Variants in KANSL1 observed in about 807,000 individuals in gnomAD.
The protein encoded by KANSL1 is KAT8 regulatory NSL complex subunit 1.
KANSL1 carries 22 observed loss-of-function variants against 103.6 expected under a neutral mutation model. The observed-to-expected ratio is 0.21, with a 90% CI of 0.15 to 0.30. The LOEUF is 0.30. Ranked by LOEUF, KANSL1 falls within the 10% of genes least tolerant of loss-of-function variation. The pLI is 1.00. For missense variants in KANSL1, 1,337 were observed against 1,399.8 expected (o/e 0.96, Z 0.72); for synonymous variants, 600 against 527.6 (o/e 1.14, Z -1.88).
intron 10 of KANSL1, chr17:46,035,880 G>GAC (rs2077132191): frequency 6.6e-6 from 1 of 152,024 alleles, no homozygotes; most frequent in Admixed American, 6.6e-5. Flanking sequence ...CCTCTGCCTA[G>GAC]ACACACCCCC....
intron 1 of KANSL1, among the ~76,000 whole-genome samples, chr17:46,186,291 G>A (rs2147874328): frequency 6.6e-6 from 1 of 151,816 alleles, no homozygotes; most frequent in Admixed American, 6.6e-5. Context: ...GCTGAGGCAG[G>A]AGAATGGCAT....
chr17:46,156,445 C>A (rs17585214), intron 2 of KANSL1, among the ~76,000 whole-genome samples: 2 of 152,022 alleles, frequency 1.3e-5, no homozygotes, highest in African/African-American at 4.8e-5. Context: ...AACTCCTAAC[C>A]CTAGATCCAT....
intron 7 of KANSL1, chr17:46,043,628 A>G (rs67682367): frequency 6.6e-6 from 1 of 152,092 alleles, no homozygotes; most frequent in African/African-American, 2.4e-5. Context: ...CTGTCAATTC[A>G]TTTGAATAGG....
At position 46,094,693 on chromosome 17, in the gene KANSL1, C is replaced by T. The variant is rs191513954; in HGVS notation, c.1298G>A (p.Arg433Lys). 1 of 1,614,130 alleles carries T rather than the reference C, an allele frequency of 6.2e-7. No homozygotes were observed. Among genetic ancestry groups the T allele is most frequent in the Non-Finnish European group, 8.5e-7 (1 of 1,180,038 alleles). ...GTCTGCAGCCCATTTCCATTCTGACCTGCGTCTCCTAAAAGGAAATAAACT... is the reference window on the plus strand; with the variant it reads ...GTCTGCAGCCCATTTCCATTCTGACTTGCGTCTCCTAAAAGGAAATAAACT... ...PEQRHVPLRR[R>K]SEWKWAADRA... Residue 433 changes from arginine (R) to lysine (K), a missense_variant, in exon 3 of 15, where the codon AGG becomes AAG. Physicochemically the swap from Arg to Lys is conservative, Grantham distance 26 (BLOSUM62 2). Around this residue, in one of 2 missense-constraint regions of KANSL1, gnomAD observed 780 missense variants for 923.4 expected, o/e 0.84. Transcript: ENST00000432791.
At chr17:46,109,333 T>C (rs2042704576) in intron 2 of KANSL1, among the ~76,000 whole-genome samples, 3 of 152,222 alleles carry the variant, frequency 2.0e-5, no homozygotes, top group Non-Finnish European at 4.4e-5. Flanking sequence ...CTTTTACACA[T>C]GGTAAAATAC....
intron 2 of KANSL1, among the ~76,000 whole-genome samples, chr17:46,099,192 C>A (rs1211727557): frequency 6.9e-6 from 1 of 144,552 alleles, no homozygotes; most frequent in Admixed American, 7.1e-5. Context: ...GGCGTGATGG[C>A]GGGCGCCTGT....
intron 13 of KANSL1, 50 bp from the exon 14 acceptor site, chr17:46,032,349 G>T (rs778272918): frequency 6.9e-7 from 1 of 1,459,444 alleles, no homozygotes; most frequent in Non-Finnish European, 9.1e-7. Flanking sequence ...GTTTACTTAT[G>T]GGGGTAGAGG....
intron 3 of KANSL1, among the ~76,000 whole-genome samples, chr17:46,082,875 A>C (rs1266093864): frequency 2.0e-5 from 3 of 152,206 alleles, no homozygotes; most frequent in Non-Finnish European, 4.4e-5. Flanking sequence ...GATTAACAGC[A>C]GCAATGCAGT....
intron 2 of KANSL1, among the ~76,000 whole-genome samples, chr17:46,137,515 G>A (rs1194148035): frequency 1.3e-5 from 2 of 152,094 alleles, no homozygotes; most frequent in Non-Finnish European, 2.9e-5. Flanking sequence ...GTACCCCCTC[G>A]ATACAATTGT....
At chr17:46,050,877 T>C (rs952133535) in intron 6 of KANSL1, among the ~76,000 whole-genome samples, 173 bp from the exon 7 acceptor site, 2 of 152,208 alleles carry the variant, frequency 1.3e-5, no homozygotes, top group Non-Finnish European at 2.9e-5. Context: ...TGTTAAAAGA[T>C]TTCCATTTGT....
intron 2 of KANSL1, among the ~76,000 whole-genome samples, chr17:46,132,325 G>A (rs2043904201): frequency 6.6e-6 from 1 of 152,196 alleles, no homozygotes; most frequent in African/African-American, 2.4e-5. Context: ...ATGAGATAGT[G>A]TATATAATGC....
intron 2 of KANSL1, among the ~76,000 whole-genome samples, chr17:46,135,542 A>ATTTTTTTTTTTTTT (rs34258265): frequency 1.7e-5 from 2 of 119,052 alleles, no homozygotes; most frequent in Admixed American, 8.3e-5. Context: ...TCAACTATAC[A>ATTTTTTTTTTTTTT]TTTTTTTTTT....
At chr17:46,100,777 C>T (rs2042279461) in intron 2 of KANSL1, among the ~76,000 whole-genome samples, 1 of 152,184 alleles carries the variant, frequency 6.6e-6, no homozygotes, top group South Asian at 2.1e-4. Flanking sequence ...TAGAACAGGG[C>T]TGGTGGATTA....
intron 3 of KANSL1, among the ~76,000 whole-genome samples, chr17:46,087,397 C>G (rs1253258414): frequency 6.6e-6 from 1 of 152,060 alleles, no homozygotes; most frequent in Non-Finnish European, 1.5e-5. Flanking sequence ...AGGATGAAAA[C>G]AGCTAAAAAG....
At position 46,062,107 on chromosome 17, in the gene KANSL1, AAAC is replaced by A. The variant is rs1568403329; in HGVS notation, c.1848+4427_1848+4429del. ...ACTCCGACTCAAAAAAAAAAAAAAA[AAAC>A]AAACAAACAAAAAAAAAAAAAAAAC... On this transcript the variant is annotated intron_variant, in intron 6 of 14. Coordinates refer to ENST00000432791, the MANE Select transcript of KANSL1 (RefSeq NM_015443.4). 6.5e-4 allele frequency among the ~76,000 whole-genome samples: 25 copies of A among 38,198 alleles called. 1 individual carries two copies. Among genetic ancestry groups the A allele is most frequent in the East Asian group, 6.7e-3 (2 of 298 alleles). 25.1% of individuals were successfully genotyped at this position (38,198 alleles called of 152,430 possible).
upstream of KANSL1, among the ~76,000 whole-genome samples, chr17:46,225,146 C>T (rs982220445): frequency 1.3e-5 from 2 of 152,014 alleles, no homozygotes; most frequent in African/African-American, 2.4e-5. Context: ...CCCTCTCCCC[C>T]AGCCCCGCCG....
chr17:46,209,097 T>C (rs1183337708), intron 1 of KANSL1, among the ~76,000 whole-genome samples: 2 of 151,544 alleles, frequency 1.3e-5, no homozygotes, highest in East Asian at 4.0e-4. Context: ...GCAGGAGAAT[T>C]GCTTGAACCC....
chr17:46,152,591 G>A (rs1420386045), intron 2 of KANSL1, among the ~76,000 whole-genome samples: 1 of 141,802 alleles, frequency 7.1e-6, no homozygotes, highest in Non-Finnish European at 1.5e-5. Context: ...AAGGGGGGGG[G>A]GGGATTTCAG....
chr17:46,153,193 T>A (rs1406028995), intron 2 of KANSL1, among the ~76,000 whole-genome samples: 4 of 152,184 alleles, frequency 2.6e-5, no homozygotes. Context: ...AACAAAGACA[T>A]ACATGCAGGT....
Sources: allele counts gnomAD v4.1 joint callset (sites outside exome capture counted in the v4.1 genomes callset), GRCh38; gene constraint gnomAD v4.1.1; regional missense constraint gnomAD v4.1.1; transcripts MANE v1.5; gene names NCBI Gene and HGNC (gene_info 2026-07-23, HGNC 2026-07-21).